Variants in TIAM2 observed in about 807,000 individuals in gnomAD.
TIAM2 encodes the protein rho guanine nucleotide exchange factor TIAM2.
A neutral mutation model predicts 152.9 loss-of-function variants in TIAM2; 80 were observed. The ratio of observed to expected loss-of-function variants is 0.52; its 90% CI spans 0.44 to 0.63. The LOEUF (loss-of-function observed/expected upper bound fraction) is 0.63. Among genes scored for constraint, TIAM2 ranks in the 30% least tolerant of loss-of-function variants. The pLI, the probability that TIAM2 is intolerant of heterozygous loss-of-function variation, is 0.00. For missense variants in TIAM2, 1,965 were observed against 2,120.1 expected (o/e 0.93, Z 1.44); for synonymous variants, 804 against 838.0 (o/e 0.96, Z 0.70).
In TIAM2 at chr6:155,244,836, T is replaced by C. The variant is rs1783225958; in HGVS notation, c.3543+53T>C. ...TAAAAATACGTGGCTATGGTACGTA[T>C]TTCTCTCATGAGAATTCTCTCATGA... On this transcript the variant is annotated intron_variant, in intron 18 of 26. Coordinates refer to ENST00000682666, the MANE Select transcript of TIAM2 (RefSeq NM_012454.4). 2.6e-6 allele frequency: 4 copies of C among 1,542,360 alleles called. No homozygotes were observed. In the Admixed American group the frequency reaches 6.1e-5, roughly 23 times the overall value.
intron 1 of TIAM2, among the ~76,000 whole-genome samples, chr6:155,037,149 T>C (rs1044513209): frequency 3.9e-5 from 6 of 152,234 alleles, no homozygotes; most frequent in Non-Finnish European, 5.9e-5. Flanking sequence ...TCCGTTCTTT[T>C]CTTCTTGAAC....
intron 14 of TIAM2, among the ~76,000 whole-genome samples, chr6:155,190,854 T>A (rs1781182811): frequency 6.6e-6 from 1 of 151,922 alleles, no homozygotes; most frequent in Non-Finnish European, 1.5e-5. Flanking sequence ...AAAAAAAAGA[T>A]CTCACTTTCC....
intron 1 of TIAM2, among the ~76,000 whole-genome samples, chr6:155,085,192 C>G (rs890832554): frequency 6.6e-6 from 1 of 152,148 alleles, no homozygotes; most frequent in Non-Finnish European, 1.5e-5. Context: ...AGCTGCCTAG[C>G]TGATAACGAG....
chr6:155,025,303 C>T (rs929860905), intron 1 of TIAM2, among the ~76,000 whole-genome samples: 1 of 151,764 alleles, frequency 6.6e-6, no homozygotes, highest in Non-Finnish European at 1.5e-5. Flanking sequence ...ACGCCATTCT[C>T]CTGCCTCAGC....
At chr6:155,022,324 TTC>T (rs1776515486) in intron 1 of TIAM2, 1 of 152,234 alleles carries the variant, frequency 6.6e-6, no homozygotes, top group African/African-American at 2.4e-5. Flanking sequence ...TTTTCTTTTT[TTC>T]TCTCACTCTG....
chr6:155,117,440 A>G (rs1779041436), intron 2 of TIAM2, among the ~76,000 whole-genome samples: 1 of 152,078 alleles, frequency 6.6e-6, no homozygotes, highest in Non-Finnish European at 1.5e-5. Context: ...TAAAGTTGTC[A>G]TATTCTCTCT....
intron 1 of TIAM2, among the ~76,000 whole-genome samples, chr6:155,083,945 G>A (rs1026135635): frequency 2.0e-5 from 3 of 152,116 alleles, no homozygotes; most frequent in African/African-American, 4.8e-5. Context: ...TTTTGGCCCA[G>A]CCCTGGAAAT....
At chr6:155,220,085 T>C (rs1039205500) in intron 15 of TIAM2, among the ~76,000 whole-genome samples, 5 of 152,218 alleles carry the variant, frequency 3.3e-5, no homozygotes, top group African/African-American at 1.2e-4. Context: ...TGATTCCTCC[T>C]GCCAAGTGGG....
rs941186304 is a variant in TIAM2, at chr6:155,154,477, T to C, written c.2028+6143T>C. Among the ~76,000 whole-genome samples the C allele has an allele frequency of 1.1e-4, 17 of 152,160 alleles. 1 individual carries two copies. The highest frequency in any genetic ancestry group is 4.1e-4 in the African/African-American group (17 of 41,434). On this transcript the variant is annotated intron_variant, in intron 7 of 26. Transcript: ENST00000682666. ...TGGGGCAGGATGATGCAGCTTTCAT[T>C]TGAGCATGTCCAATGTGGACCAGAT...
rs889041313 is a variant in TIAM2 at position 155,218,418 on chromosome 6, G to A, written c.3168+7111G>A. ...GGCAGTGGTATGTTGGAAAGAACTC[G>A]ACCTGATGCTTAAACCTGAATTTGT... On this transcript the variant is annotated intron_variant, in intron 15 of 26. Coordinates refer to ENST00000682666, the MANE Select transcript of TIAM2 (RefSeq NM_012454.4). This position sits in a 1 kb window ranked among gnomAD's most constrained non-coding sequence, Gnocchi z 4.5. 3.3e-5 allele frequency among the ~76,000 whole-genome samples: 5 copies of A among 152,156 alleles called. No individual in the cohort carries two copies. The highest frequency in any genetic ancestry group is 4.8e-5 in the African/African-American group (2 of 41,450).
chr6:155,158,534 A>T (rs73575660), intron 7 of TIAM2, among the ~76,000 whole-genome samples: 250 of 152,150 alleles, frequency 1.6e-3, no homozygotes, highest in African/African-American at 5.7e-3. Context: ...ACAAAAGCTC[A>T]ATCTATATAG....
Position 155,082,680 on chromosome 6 carries a change from A to ATAAATAAATAAATAAAT in TIAM2, c.-208-7608_-208-7592dup, listed in dbSNP as rs1313211601. 7.3e-5 allele frequency among the ~76,000 whole-genome samples: 11 copies of ATAAATAAATAAATAAAT among 151,146 alleles called. No individual in the cohort carries two copies. The East Asian group carries it at 1.9e-3, about 27-fold the overall frequency. On this transcript the variant is annotated intron_variant, in intron 1 of 26. Transcript: ENST00000682666. ...CAAAAAAACCCCAATAAATAAATAA[A>ATAAATAAATAAATAAAT]TAAATAAATAAATAAATAAATAAAT...
At chr6:155,020,968 G>C (rs1776467489) in intron 1 of TIAM2, among the ~76,000 whole-genome samples, 1 of 152,138 alleles carries the variant, frequency 6.6e-6, no homozygotes, top group African/African-American at 2.4e-5. Context: ...CATATAAGTG[G>C]AATCATACAG....
intron 14 of TIAM2, among the ~76,000 whole-genome samples, chr6:155,202,895 A>T (rs1172585334): frequency 6.6e-6 from 1 of 151,166 alleles, no homozygotes; most frequent in Non-Finnish European, 1.5e-5. Context: ...AAAAAAAAAA[A>T]AAAAAAAATT....
intron 2 of TIAM2, among the ~76,000 whole-genome samples, chr6:155,117,565 C>A (rs1490132981): frequency 6.6e-6 from 1 of 152,180 alleles, no homozygotes; most frequent in Admixed American, 6.5e-5. Context: ...GTCTCAGCCT[C>A]CCGAGTAGCT....
intron 1 of TIAM2, among the ~76,000 whole-genome samples, chr6:155,076,112 C>T (rs1334284977): frequency 6.6e-6 from 1 of 152,134 alleles, no homozygotes; most frequent in African/African-American, 2.4e-5. Flanking sequence ...GCAGAATTTT[C>T]CACTTGCGGT....
At chr6:155,012,644 G>T (rs951479103) in intron 1 of TIAM2, among the ~76,000 whole-genome samples, 1 of 152,104 alleles carries the variant, frequency 6.6e-6, no homozygotes, top group Non-Finnish European at 1.5e-5. Context: ...TCTACCTTCC[G>T]GGTTCAAGCG....
intron 16 of TIAM2, among the ~76,000 whole-genome samples, chr6:155,243,674 C>G (rs1783165278): frequency 1.3e-5 from 2 of 151,754 alleles, no homozygotes; most frequent in African/African-American, 4.8e-5. Flanking sequence ...TGGTGAAACC[C>G]TGCCCCTACT....
At chr6:155,200,852 A>T (rs928789488) in intron 14 of TIAM2, among the ~76,000 whole-genome samples, 42 of 152,164 alleles carry the variant, frequency 2.8e-4, no homozygotes, top group Non-Finnish European at 8.8e-5. Flanking sequence ...GCATTGAGCC[A>T]AGATCGTGCC....
Sources: allele counts gnomAD v4.1 joint callset (sites outside exome capture counted in the v4.1 genomes callset), GRCh38; gene constraint gnomAD v4.1.1; non-coding constraint Gnocchi (gnomAD v3.1); transcripts MANE v1.5; gene names NCBI Gene and HGNC (gene_info 2026-07-23, HGNC 2026-07-21).